The following MECOM variants were observed in gnomAD, a reference collection of about 807,000 sequenced individuals.
The protein encoded by MECOM is MDS1 and EVI1 complex locus, also known as histone-lysine N-methyltransferase MECOM.
MECOM carries 13 observed loss-of-function variants against 116.3 expected under a neutral mutation model. That is an observed-to-expected ratio of 0.11 (90% confidence interval 0.07 to 0.18). The LOEUF is 0.18. Ranked by LOEUF, MECOM falls within the 10% of genes least tolerant of loss-of-function variation. The pLI is 1.00. For synonymous variants in MECOM, 528 were observed against 535.2 expected (o/e 0.99, Z 0.19); for missense variants, 1,299 against 1,509.0 (o/e 0.86, Z 2.31).
At chr3:169,399,802 T>C (rs928599889) in intron 1 of MECOM, among the ~76,000 whole-genome samples, 2 of 152,218 alleles carry the variant, frequency 1.3e-5, no homozygotes, top group Non-Finnish European at 2.9e-5. Flanking sequence ...ACAGTTTTTC[T>C]TCCTTTAAGT....
intron 1 of MECOM, among the ~76,000 whole-genome samples, chr3:169,529,966 C>T (rs921927345): frequency 6.6e-5 from 10 of 152,194 alleles, no homozygotes; most frequent in Admixed American, 3.3e-4. Flanking sequence ...AAAGGACATA[C>T]ATATTTTAAG....
chr3:169,238,046 G>A (rs1754312003), intron 2 of MECOM, among the ~76,000 whole-genome samples: 2 of 151,656 alleles, frequency 1.3e-5, no homozygotes, highest in Non-Finnish European at 2.9e-5. Context: ...GTGGTGGTAG[G>A]TGCCTGTAAT....
intron 1 of MECOM, among the ~76,000 whole-genome samples, chr3:169,499,866 T>C (rs566704616): frequency 6.6e-6 from 1 of 152,114 alleles, no homozygotes; most frequent in Admixed American, 6.5e-5. Context: ...TTATAATGTA[T>C]ATTAAGGGTA....
intron 2 of MECOM, among the ~76,000 whole-genome samples, chr3:169,305,878 C>A (rs969463646): frequency 6.6e-6 from 1 of 151,408 alleles, no homozygotes; most frequent in South Asian, 2.1e-4. Flanking sequence ...TACTTCAACT[C>A]AGTTTTTTAA....
At chr3:169,430,422 A>G (rs1578077062) in intron 1 of MECOM, among the ~76,000 whole-genome samples, 2 of 152,162 alleles carry the variant, frequency 1.3e-5, no homozygotes, top group African/African-American at 2.4e-5. Context: ...TATCATTTTC[A>G]TTCATATTTT....
intron 1 of MECOM, among the ~76,000 whole-genome samples, chr3:169,544,088 A>G (rs1258331628): frequency 6.6e-6 from 1 of 152,146 alleles, no homozygotes; most frequent in African/African-American, 2.4e-5. Context: ...GGGTTTCACC[A>G]TGTTGGCCAG....
intron 1 of MECOM, among the ~76,000 whole-genome samples, chr3:169,565,342 A>G (rs1038073948): frequency 6.6e-6 from 1 of 152,200 alleles, no homozygotes; most frequent in South Asian, 2.1e-4. Flanking sequence ...AGGGATAACA[A>G]GGAGGGGTAG....
chr3:169,326,252 G>GA (rs747773654), intron 2 of MECOM, among the ~76,000 whole-genome samples: 1 of 152,092 alleles, frequency 6.6e-6, no homozygotes, highest in Non-Finnish European at 1.5e-5. Context: ...CATTAGAAGA[G>GA]AAAAGATGGA....
chr3:169,355,217 G>C (rs62293350), intron 2 of MECOM, among the ~76,000 whole-genome samples: 6,537 of 151,992 alleles, frequency 0.043, 164 homozygotes, highest in Non-Finnish European at 0.059. Flanking sequence ...AATTTTGTTT[G>C]ATTGTTTAGT....
At chr3:169,470,096 T>C (rs1182643604) in intron 1 of MECOM, 1 of 152,236 alleles carries the variant, frequency 6.6e-6, no homozygotes, top group East Asian at 1.9e-4. Context: ...CAAGCACATG[T>C]GCCAACAATG....
chr3:169,292,689 G>T (rs1007356737), intron 2 of MECOM, among the ~76,000 whole-genome samples: 3 of 152,178 alleles, frequency 2.0e-5, no homozygotes, highest in African/African-American at 7.2e-5. Flanking sequence ...TATGGGAAGG[G>T]GAGGGTGAAT....
At chr3:169,307,709 T>C (rs1339822648) in intron 2 of MECOM, among the ~76,000 whole-genome samples, 1 of 152,166 alleles carries the variant, frequency 6.6e-6, no homozygotes, top group Non-Finnish European at 1.5e-5. Flanking sequence ...AATAAACAAA[T>C]AGTATAAAAA....
intron 1 of MECOM, among the ~76,000 whole-genome samples, chr3:169,662,092 G>A (rs1264290220): frequency 6.6e-6 from 1 of 152,220 alleles, no homozygotes; most frequent in East Asian, 1.9e-4. Context: ...GCATCACACC[G>A]TGTGGGAAAG....
At chr3:169,490,137 A>G (rs1245171231) in intron 1 of MECOM, among the ~76,000 whole-genome samples, 1 of 152,256 alleles carries the variant, frequency 6.6e-6, no homozygotes, top group Non-Finnish European at 1.5e-5. Flanking sequence ...GTCAAATGAG[A>G]CTTTGCATGC....
intron 10 of MECOM, among the ~76,000 whole-genome samples, chr3:169,106,478 A>C (rs549216395): frequency 6.6e-6 from 1 of 152,284 alleles, no homozygotes; most frequent in South Asian, 2.1e-4. Context: ...ACGAAAAATT[A>C]TAAACATATA....
chr3:169,504,001 G>A (rs768929874), intron 1 of MECOM, among the ~76,000 whole-genome samples: 2 of 151,736 alleles, frequency 1.3e-5, no homozygotes, highest in Non-Finnish European at 2.9e-5. Flanking sequence ...TCTACTTTTG[G>A]GTGTCTGGCC....
chr3:169,338,491 T>C (rs992723800), intron 2 of MECOM, among the ~76,000 whole-genome samples: 3 of 152,098 alleles, frequency 2.0e-5, no homozygotes, highest in African/African-American at 7.2e-5. Context: ...ATTGAAATGG[T>C]GTGAACTGGG....
intron 2 of MECOM, among the ~76,000 whole-genome samples, chr3:169,193,112 T>C (rs1747936939): frequency 6.6e-6 from 1 of 152,010 alleles, no homozygotes; most frequent in African/African-American, 2.4e-5. Flanking sequence ...TTAAATTATC[T>C]TACCAGGTCA....
chr3:169,325,663 G>A (rs1040498467), intron 2 of MECOM, among the ~76,000 whole-genome samples: 4 of 152,182 alleles, frequency 2.6e-5, no homozygotes, highest in Admixed American at 6.5e-5. Context: ...ATCTTCTGAC[G>A]TCTGAATGGC....
Sources: gnomAD v4.1 joint callset for allele counts (sites outside exome capture counted in the v4.1 genomes callset) on GRCh38, gnomAD v4.1.1 for gene constraint, MANE v1.5 for transcripts, NCBI Gene and HGNC (gene_info 2026-07-23, HGNC 2026-07-21) for gene names.